Variants in PCDHGA9 observed in about 807,000 individuals in gnomAD.
PCDHGA9 encodes the protein protocadherin gamma-A9.
A neutral mutation model predicts 62.5 loss-of-function variants in PCDHGA9; 37 were observed. That is an observed-to-expected ratio of 0.59 (90% confidence interval 0.46 to 0.78). PCDHGA9 has a LOEUF of 0.78. Among genes scored for constraint, PCDHGA9 ranks in the 30% least tolerant of loss-of-function variants. PCDHGA9 has a pLI of 0.00. For synonymous variants in PCDHGA9, 459 were observed against 484.6 expected (o/e 0.95, Z 0.69); for missense variants, 1,138 against 1,166.2 (o/e 0.98, Z 0.35).
At chr5:141,496,630 T>C (rs2099770022) in intron 2 of PCDHGA9, among the ~76,000 whole-genome samples, 1 of 152,202 alleles carries the variant, frequency 6.6e-6, no homozygotes, top group Non-Finnish European at 1.5e-5. Context: ...TCAAAAGGCT[T>C]GGGCTGCCCT....
At chr5:141,420,965 TA>T (rs1468739825) in intron 1 of PCDHGA9, 6 of 433,892 alleles carry the variant, frequency 1.4e-5, no homozygotes, top group African/African-American at 1.0e-4. Flanking sequence ...GTCGTTGCAA[TA>T]ATAAGAATGG....
chr5:141,404,615 C>T lies in PCDHGA9; in HGVS notation c.1663C>T (p.Gln555Ter). Residue 555 changes from glutamine (Q) to a stop codon, truncating the protein, a stop_gained, in exon 1 of 4, where the codon CAG becomes TAG. Coordinates refer to ENST00000573521, the MANE Select transcript of PCDHGA9 (RefSeq NM_018921.3). LOFTEE classifies it high-confidence loss of function. ...NVSLRLFVLD[Q>*]NDNAPEILYP... The stretch of plus-strand genomic sequence containing the variant: ...GTCATTGAGACTGTTTGTTTTGGAC[C>T]AGAATGACAATGCCCCAGAAATCCT... 3.1e-6 allele frequency: 5 copies of T among 1,614,122 alleles called. No homozygotes were observed. The highest frequency in any genetic ancestry group is 4.2e-6 in the Non-Finnish European group (5 of 1,179,976).
chr5:141,423,506 T>C (rs1242003813), intron 1 of PCDHGA9: 1 of 1,613,808 alleles, frequency 6.2e-7, no homozygotes, highest in African/African-American at 1.3e-5. Context: ...GAGGTCTCTC[T>C]CATTGCGGAC....
intron 1 of PCDHGA9, among the ~76,000 whole-genome samples, chr5:141,482,899 T>C (rs1238389686): frequency 1.3e-5 from 2 of 152,076 alleles, no homozygotes; most frequent in Non-Finnish European, 2.9e-5. Context: ...TGGTGAAACC[T>C]CATCTCTATT....
rs1389786201 is a variant in PCDHGA9, at chr5:141,486,949, G to A, written c.2425-7858G>A. 4 of 1,614,224 alleles carry A rather than the reference G, an allele frequency of 2.5e-6. No individual in the cohort carries two copies. Among genetic ancestry groups the A allele is most frequent in the African/African-American group, 2.7e-5 (2 of 75,064 alleles). ...TTGGTGCTGGCCACCTAATCACAAA[G>A]GTGACTGCTGTGGACTTGGATTCAG... On this transcript the variant is annotated intron_variant, in intron 1 of 3. Coordinates refer to ENST00000573521, the MANE Select transcript of PCDHGA9 (RefSeq NM_018921.3). The surrounding 1 kb of genome is among the most constrained non-coding windows in gnomAD (Gnocchi z 5.0).
At chr5:141,407,932 C>T (rs1465007397) in intron 1 of PCDHGA9, 7 of 504,268 alleles carry the variant, frequency 1.4e-5, no homozygotes, top group Non-Finnish European at 2.0e-5. Context: ...CACGGAGCCT[C>T]TGGGCGCCGC....
At chr5:141,409,276 G>A (rs1458443407) in intron 1 of PCDHGA9, 5 of 1,613,882 alleles carry the variant, frequency 3.1e-6, no homozygotes, top group African/African-American at 2.7e-5. Context: ...AGATTTTGGA[G>A]AATTCACCTC....
At chr5:141,427,683 G>C in intron 1 of PCDHGA9, 1 of 836,052 alleles carries the variant, frequency 1.2e-6, no homozygotes. Flanking sequence ...CCTTCCCGGA[G>C]CCTCCATCCC....
intron 1 of PCDHGA9, chr5:141,417,501 A>T: frequency 4.4e-6 from 1 of 227,168 alleles, no homozygotes. Flanking sequence ...GAGGAAAAAG[A>T]TTAAAATATT....
At position 141,404,072 on chromosome 5, in the gene PCDHGA9, C is replaced by G; in HGVS notation, c.1120C>G (p.Arg374Gly). ...TVILLFNAHD[R>G]DSGKNGQVVC... is the part of the protein sequence containing the mutation. ...AATTCTTCTTTTCAATGCTCATGAC[C>G]GAGACTCCGGGAAGAATGGTCAAGT... is the stretch of plus-strand genomic sequence containing the variant. The change falls in exon 1 of 4, where the codon CGA becomes GGA. Residue 374 changes from arginine (R) to glycine (G), a missense_variant. Arg to Gly is a moderately radical substitution (Grantham distance 125). Transcript: ENST00000573521. 1.9e-6 allele frequency: 3 copies of G among 1,613,626 alleles called. No homozygotes were observed. Among genetic ancestry groups the G allele is most frequent in the Non-Finnish European group, 2.5e-6 (3 of 1,179,640 alleles).
In PCDHGA9 at chr5:141,486,030, C is replaced by T. The variant is rs2099623234; in HGVS notation, c.2425-8777C>T. 2 of 1,614,046 alleles carry T rather than the reference C, an allele frequency of 1.2e-6. No homozygotes were observed. Among genetic ancestry groups the T allele is most frequent in the African/African-American group, 1.3e-5 (1 of 74,918 alleles). On this transcript the variant is annotated intron_variant, in intron 1 of 3. Coordinates refer to ENST00000573521, the MANE Select transcript of PCDHGA9 (RefSeq NM_018921.3). This position sits in a 1 kb window ranked among gnomAD's most constrained non-coding sequence, Gnocchi z 5.0. ...ACCTTTTATTTCAGTGGTCATACCC[C>T]TGATCGTGTAAGAAACCTCTTTAGC...
chr5:141,403,688 A>G lies in PCDHGA9; in HGVS notation c.736A>G (p.Ile246Val), dbSNP rs1385402830. 1 of 1,613,836 alleles carries G rather than the reference A, an allele frequency of 6.2e-7. No homozygotes were observed. Among genetic ancestry groups the G allele is most frequent in the Non-Finnish European group, 8.5e-7 (1 of 1,179,876 alleles). The change falls in exon 1 of 4, where the codon ATT becomes GTT. Residue 246 changes from isoleucine (I) to valine (V), a missense_variant. By Grantham distance (29) the Ile-to-Val change is conservative. Transcript: ENST00000573521. ...TAATGCCCCGGTTTTTGCTCAACGG[A>G]TTTACCGAGTTAAAGTCCTTGAGAA... is the stretch of plus-strand genomic sequence containing the variant. Reference protein sequence around the residue: ...NDNAPVFAQRIYRVKVLENVP... With the variant: ...NDNAPVFAQRVYRVKVLENVP...
At chr5:141,483,955 G>A (rs1244162791) in intron 1 of PCDHGA9, among the ~76,000 whole-genome samples, 1 of 144,218 alleles carries the variant, frequency 6.9e-6, no homozygotes, top group African/African-American at 2.6e-5. Flanking sequence ...ATTGTGTTGT[G>A]TTTCTGTGCT....
chr5:141,421,424 G>T lies in PCDHGA9; in HGVS notation c.2424+16048G>T, dbSNP rs369037131. 2.2e-5 allele frequency: 35 copies of T among 1,613,974 alleles called. No individual in the cohort carries two copies. The African/African-American group carries it at 3.9e-4, about 18-fold the overall frequency. ...CGGGAGCTGGCGAAGCGCGGAGTCC[G>T]CATCGTCTCCAGAGGGAAGACACAG... is the stretch of plus-strand genomic sequence containing the variant. On this transcript the variant is annotated intron_variant, in intron 1 of 3. Transcript: ENST00000573521.
At chr5:141,504,842 A>G (rs944461166) in intron 2 of PCDHGA9, among the ~76,000 whole-genome samples, 7 of 151,968 alleles carry the variant, frequency 4.6e-5, no homozygotes, top group African/African-American at 1.7e-4. Context: ...CTAGCTCTGG[A>G]ACATTCTCTT....
chr5:141,475,013 G>C (rs950376592), intron 1 of PCDHGA9, among the ~76,000 whole-genome samples: 1 of 152,176 alleles, frequency 6.6e-6, no homozygotes, highest in Non-Finnish European at 1.5e-5. Flanking sequence ...AAAAGTTAAG[G>C]CTCTTTATTC....
rs1561689685 is a variant in PCDHGA9 at position 141,403,717 on chromosome 5, G to GC, written c.770dup (p.Gly258ArgfsTer14). 1.2e-6 allele frequency: 2 copies of GC among 1,613,936 alleles called. No individual in the cohort carries two copies. The highest frequency in any genetic ancestry group is 2.2e-5 in the South Asian group (2 of 91,074). On this transcript the variant is annotated frameshift_variant, in exon 1 of 4. Coordinates refer to ENST00000573521, the MANE Select transcript of PCDHGA9 (RefSeq NM_018921.3). LOFTEE classifies it high-confidence loss of function. ...ACCGAGTTAAAGTCCTTGAGAACGT[G>GC]CCCCCAGGCACCTGGCTGCTTACTG...
intron 1 of PCDHGA9, among the ~76,000 whole-genome samples, chr5:141,464,402 G>T (rs900750443): frequency 6.6e-6 from 1 of 150,722 alleles, no homozygotes; most frequent in African/African-American, 2.4e-5. Context: ...AAGAACCTGA[G>T]ATATATATAT....
intron 1 of PCDHGA9, among the ~76,000 whole-genome samples, chr5:141,458,876 G>T (rs187470646): frequency 5.0e-4 from 76 of 152,248 alleles, no homozygotes; most frequent in African/African-American, 1.7e-3. Context: ...GGGACTACAG[G>T]CATGCACACC....
Sources: allele counts gnomAD v4.1 joint callset (sites outside exome capture counted in the v4.1 genomes callset), GRCh38; gene constraint gnomAD v4.1.1; non-coding constraint Gnocchi (gnomAD v3.1); transcripts MANE v1.5; gene names NCBI Gene and HGNC (gene_info 2026-07-23, HGNC 2026-07-21).